SLC30A8: variants seen among roughly 807,000 people sequenced by gnomAD.
SLC30A8 encodes the protein solute carrier family 30 member 8, also known as proton-coupled zinc antiporter SLC30A8.
SLC30A8 carries 27 observed loss-of-function variants against 36.9 expected under a neutral mutation model. The observed-to-expected ratio is 0.73, with a 90% CI of 0.54 to 1.01. The LOEUF (loss-of-function observed/expected upper bound fraction) is 1.01, where lower values mean the gene tolerates loss of function less well. Among genes scored for constraint, SLC30A8 ranks in the 50% least tolerant of loss-of-function variants. SLC30A8 has a pLI of 0.00. For missense variants in SLC30A8, 439 were observed against 452.0 expected, an observed-to-expected ratio of 0.97 and a Z score of 0.26; for synonymous variants, 164 against 172.4, an observed-to-expected ratio of 0.95 and a Z score of 0.38.
At chr8:117,011,732 C>G (rs1816350485) in intron 1 of SLC30A8, among the ~76,000 whole-genome samples, 1 of 152,194 alleles carries the variant, frequency 6.6e-6, no homozygotes, top group African/African-American at 2.4e-5. Context: ...TCCTCCAAAA[C>G]TTCTTAAAGT....
intron 2 of SLC30A8, among the ~76,000 whole-genome samples, chr8:117,079,512 T>G (rs1818595720): frequency 6.6e-6 from 1 of 152,200 alleles, no homozygotes; most frequent in East Asian, 1.9e-4. Flanking sequence ...TTCATTGTAC[T>G]ATTCTCCTTG....
upstream of SLC30A8, among the ~76,000 whole-genome samples, chr8:117,133,413 T>C (rs187813627): frequency 2.5e-4 from 38 of 152,148 alleles, no homozygotes; most frequent in African/African-American, 8.7e-4. Flanking sequence ...TGTATGTATG[T>C]CAATTATAAA....
intron 2 of SLC30A8, among the ~76,000 whole-genome samples, chr8:117,079,811 C>T (rs943041639): frequency 3.9e-5 from 6 of 152,228 alleles, no homozygotes; most frequent in African/African-American, 1.4e-4. Flanking sequence ...AGTAAGTCAA[C>T]TGCAAAACGC....
chr8:117,158,757 A>G (rs1048617607), intron 4 of SLC30A8, among the ~76,000 whole-genome samples: 8 of 150,312 alleles, frequency 5.3e-5, no homozygotes, highest in African/African-American at 1.5e-4. Context: ...ATTCTGGGCA[A>G]CTCTACTTAA....
chr8:117,042,204 T>C (rs953390233), intron 2 of SLC30A8, among the ~76,000 whole-genome samples: 13 of 152,252 alleles, frequency 8.5e-5, no homozygotes, highest in African/African-American at 3.1e-4. Context: ...TGAAAAATGA[T>C]GTCACCCTGA....
chr8:116,992,199 G>A (rs1815668351), intron 1 of SLC30A8, among the ~76,000 whole-genome samples: 1 of 152,128 alleles, frequency 6.6e-6, no homozygotes. Flanking sequence ...AAAATCAAGA[G>A]TCATGTCATC....
chr8:116,950,926 G>C (rs1207366169), upstream of SLC30A8: 5 of 152,212 alleles, frequency 3.3e-5, no homozygotes, highest in Non-Finnish European at 7.3e-5. Context: ...ACCAGCTGAA[G>C]TAGGTGTGCC....
chr8:117,038,595 C>T (rs772578189), intron 1 of SLC30A8, among the ~76,000 whole-genome samples: 6 of 152,072 alleles, frequency 3.9e-5, no homozygotes, highest in East Asian at 1.9e-4. Context: ...TATTTTCATC[C>T]GTAGATCATT....
chr8:117,029,273 AC>A (rs1816961500), intron 1 of SLC30A8, among the ~76,000 whole-genome samples: 1 of 152,168 alleles, frequency 6.6e-6, no homozygotes, highest in Non-Finnish European at 1.5e-5. Context: ...CTAACTACCC[AC>A]TTTTAATACT....
At chr8:117,051,265 G>A (rs1817698148) in intron 2 of SLC30A8, among the ~76,000 whole-genome samples, 1 of 152,168 alleles carries the variant, frequency 6.6e-6, no homozygotes, top group South Asian at 2.1e-4. Context: ...AGATTTATGG[G>A]GCCATTTTGG....
intron 2 of SLC30A8, among the ~76,000 whole-genome samples, chr8:117,123,399 T>G (rs957436761): frequency 6.6e-6 from 1 of 151,978 alleles, no homozygotes; most frequent in Non-Finnish European, 1.5e-5. Context: ...CTATCAATAT[T>G]AAAATAGCAT....
At chr8:117,074,395 G>T (rs1170205168) in intron 2 of SLC30A8, among the ~76,000 whole-genome samples, 2 of 152,146 alleles carry the variant, frequency 1.3e-5, no homozygotes, top group Non-Finnish European at 2.9e-5. Context: ...CTAGTTCCTA[G>T]TGTTTTCTTC....
chr8:117,128,111 G>C (rs1319084633), intron 2 of SLC30A8, among the ~76,000 whole-genome samples: 1 of 152,028 alleles, frequency 6.6e-6, no homozygotes, highest in Admixed American at 6.6e-5. Context: ...AATTACCTGA[G>C]TTATCTCCTA....
intron 1 of SLC30A8, among the ~76,000 whole-genome samples, chr8:117,003,073 G>A (rs943499752): frequency 1.3e-5 from 2 of 152,276 alleles, no homozygotes; most frequent in Middle Eastern, 3.4e-3. Context: ...AGAAATGACA[G>A]ATATCTAATC....
At chr8:117,088,680 A>G (rs943807997) in intron 2 of SLC30A8, among the ~76,000 whole-genome samples, 3 of 152,242 alleles carry the variant, frequency 2.0e-5, no homozygotes, top group Non-Finnish European at 4.4e-5. Flanking sequence ...ATTATGCTTA[A>G]GTAAACCCCG....
intron 1 of SLC30A8, among the ~76,000 whole-genome samples, chr8:117,136,960 C>G (rs570459847): frequency 6.6e-6 from 1 of 151,962 alleles, no homozygotes; most frequent in Non-Finnish European, 1.5e-5. Context: ...TTATCTCGAT[C>G]CCTCATTTTA....
At chr8:117,170,919 C>A in intron 6 of SLC30A8, 115 bp from the exon 7 acceptor site, 1 of 822,600 alleles carries the variant, frequency 1.2e-6, no homozygotes, top group Non-Finnish European at 1.9e-6. Flanking sequence ...AGTAAGAAAC[C>A]AGCAAAGGGA....
upstream of SLC30A8, among the ~76,000 whole-genome samples, chr8:117,131,473 C>G (rs1318849035): frequency 6.6e-6 from 1 of 151,922 alleles, no homozygotes; most frequent in Admixed American, 6.6e-5. Context: ...GAAGACAGCT[C>G]CATAGTGAAG....
At chr8:117,001,724 C>T (rs3019890) in intron 1 of SLC30A8, among the ~76,000 whole-genome samples, 51,123 of 151,952 alleles carry the variant, frequency 0.34, 10,608 homozygotes, top group South Asian at 0.49. Flanking sequence ...GAAAATCAAA[C>T]TGTAAAAGTC....
Sources: allele counts gnomAD v4.1 joint callset (sites outside exome capture counted in the v4.1 genomes callset), GRCh38; gene constraint gnomAD v4.1.1; transcripts MANE v1.5; gene names NCBI Gene and HGNC (gene_info 2026-07-23, HGNC 2026-07-21).